The following TSHR variants were observed in gnomAD, a reference collection of about 807,000 sequenced individuals.
TSHR encodes thyrotropin receptor.
TSHR carries 51 observed loss-of-function variants against 64.1 expected under a neutral mutation model. The observed-to-expected ratio is 0.80, with a 90% CI of 0.64 to 1.01. TSHR has a LOEUF of 1.01. TSHR is among the 50% of genes least tolerant of loss of function. TSHR has a pLI of 0.00. For synonymous variants in TSHR, 361 were observed against 361.9 expected (o/e 1.00, Z 0.03); for missense variants, 877 against 942.8 (o/e 0.93, Z 0.91).
intron 8 of TSHR, among the ~76,000 whole-genome samples, chr14:81,121,911 C>T (rs1890809523): frequency 6.8e-6 from 1 of 148,132 alleles, no homozygotes; most frequent in Admixed American, 6.7e-5. Flanking sequence ...CCACTGCACT[C>T]CAGCCTGGGA....
At chr14:81,016,004 T>TA (rs1007140989) in intron 1 of TSHR, among the ~76,000 whole-genome samples, 10 of 152,176 alleles carry the variant, frequency 6.6e-5, no homozygotes, top group Admixed American at 3.9e-4. Flanking sequence ...ATGTGCCACT[T>TA]AAAAAAAATC....
At chr14:81,109,869 G>A (rs1294910075) in intron 8 of TSHR, among the ~76,000 whole-genome samples, 2 of 152,222 alleles carry the variant, frequency 1.3e-5, no homozygotes, top group East Asian at 1.9e-4. Flanking sequence ...AAGAAGACAA[G>A]TGGGGAAAAA....
At chr14:81,087,704 C>A in intron 3 of TSHR, 1 of 532,004 alleles carries the variant, frequency 1.9e-6, no homozygotes, top group South Asian at 2.1e-5. Context: ...ACAATGTAGC[C>A]CATAAATTAA....
chr14:81,127,702 C>T lies in TSHR; in HGVS notation c.693-11977C>T, dbSNP rs148586983. ...ATCTGATCGTTTTATAAGGGGTTCCCCCTTTCACTTGGCTCTCATTCCCTC... is the reference window on the plus strand; with the variant it reads ...ATCTGATCGTTTTATAAGGGGTTCCTCCTTTCACTTGGCTCTCATTCCCTC... On this transcript the variant is annotated intron_variant, in intron 8 of 9. Coordinates refer to ENST00000298171, the MANE Select transcript of TSHR (RefSeq NM_000369.5). Among the ~76,000 whole-genome samples, 98 of 152,166 alleles carry T rather than the reference C, an allele frequency of 6.4e-4. No individual in the cohort carries two copies. In the East Asian group the frequency reaches 0.019, roughly 29 times the overall value.
intron 1 of TSHR, among the ~76,000 whole-genome samples, chr14:81,035,440 A>G (rs566545881): frequency 2.6e-5 from 4 of 152,284 alleles, no homozygotes; most frequent in East Asian, 1.9e-4. Context: ...TATATTATTT[A>G]TGGAGCAACA....
intron 2 of TSHR, among the ~76,000 whole-genome samples, chr14:81,068,020 G>A (rs1417810657): frequency 2.0e-5 from 3 of 146,908 alleles, no homozygotes; most frequent in Non-Finnish European, 4.5e-5. Context: ...GGAAGTGACA[G>A]TTAAATGATA....
intron 8 of TSHR, chr14:81,108,739 A>G (rs1890082424): frequency 6.2e-7 from 1 of 1,611,856 alleles, no homozygotes; most frequent in African/African-American, 1.3e-5. Context: ...TTCATGGAGC[A>G]GCTGCTGTTT....
intron 1 of TSHR, chr14:81,033,020 C>G: frequency 5.6e-6 from 2 of 360,118 alleles, no homozygotes; most frequent in Non-Finnish European, 1.1e-5. Context: ...TTACTGGAGT[C>G]CTTTGGTGTT....
At chr14:81,132,191 C>A (rs1891276927) in intron 8 of TSHR, among the ~76,000 whole-genome samples, 1 of 152,194 alleles carries the variant, frequency 6.6e-6, no homozygotes, top group Non-Finnish European at 1.5e-5. Flanking sequence ...TGTAACTGCG[C>A]ATTTATAATG....
intron 1 of TSHR, among the ~76,000 whole-genome samples, chr14:81,030,332 C>G (rs550037013): frequency 6.6e-6 from 1 of 152,220 alleles, no homozygotes; most frequent in South Asian, 2.1e-4. Flanking sequence ...CACTTAATTT[C>G]AAGCAAAAAT....
chr14:80,985,054 T>G, intron 1 of TSHR, among the ~76,000 whole-genome samples: 1 of 152,038 alleles, frequency 6.6e-6, no homozygotes, highest in East Asian at 1.9e-4. Flanking sequence ...ATCGAGACCA[T>G]CCTGGCTAAC....
At chr14:81,109,818 A>C (rs8021279) in intron 8 of TSHR, among the ~76,000 whole-genome samples, 1 of 152,184 alleles carries the variant, frequency 6.6e-6, no homozygotes, top group African/African-American at 2.4e-5. Flanking sequence ...CTGTTAATTC[A>C]TGGCAAAGTA....
At chr14:81,130,533 T>G (rs1891194327) in intron 8 of TSHR, among the ~76,000 whole-genome samples, 1 of 152,202 alleles carries the variant, frequency 6.6e-6, no homozygotes, top group African/African-American at 2.4e-5. Context: ...CTTCCTGATC[T>G]CTTAATGTTG....
rs1339917116 is a variant in TSHR, at chr14:81,072,954, G to A, written c.317+4626G>A. 1.2e-4 allele frequency among the ~76,000 whole-genome samples: 12 copies of A among 103,364 alleles called. 1 individual carries two copies. Among genetic ancestry groups the A allele is most frequent in the African/African-American group, 3.0e-4 (6 of 19,878 alleles). 67.8% of individuals were successfully genotyped at this position (103,364 alleles called of 152,430 possible). On this transcript the variant is annotated intron_variant, in intron 3 of 9. Transcript: ENST00000298171. The stretch of plus-strand genomic sequence containing the variant: ...GGAGCTTGCAGTGAGCCGAGATCCC[G>A]CCACTGCACTCCAGCCTGGGCGACA...
At chr14:81,075,539 C>G (rs1451638250) in intron 3 of TSHR, among the ~76,000 whole-genome samples, 1 of 151,754 alleles carries the variant, frequency 6.6e-6, no homozygotes, top group East Asian at 1.9e-4. Flanking sequence ...TACATGTGCA[C>G]ATTGTGCAGG....
At chr14:81,108,572 G>A (rs2140032135) in intron 8 of TSHR, 120 bp downstream of exon 8, 1 of 1,612,408 alleles carries the variant, frequency 6.2e-7, no homozygotes. Flanking sequence ...GCTGTCTCGG[G>A]TAAAGGCTTC....
At chr14:81,079,834 A>G (rs941634630) in intron 3 of TSHR, among the ~76,000 whole-genome samples, 5 of 151,402 alleles carry the variant, frequency 3.3e-5, no homozygotes, top group Non-Finnish European at 5.9e-5. Flanking sequence ...CAGCCTGGGC[A>G]ACAGAATGAG....
intron 1 of TSHR, among the ~76,000 whole-genome samples, chr14:80,986,766 C>T (rs984889799): frequency 2.0e-5 from 3 of 152,238 alleles, no homozygotes; most frequent in African/African-American, 4.8e-5. Context: ...GGATTACAGG[C>T]GTGAGCCACT....
intron 1 of TSHR, chr14:81,032,464 C>A: frequency 3.2e-6 from 1 of 311,200 alleles, no homozygotes. Context: ...AAGAATTTCC[C>A]TTGTAAAAGC....
Sources: allele counts gnomAD v4.1 joint callset (sites outside exome capture counted in the v4.1 genomes callset), GRCh38; gene constraint gnomAD v4.1.1; transcripts MANE v1.5; gene names NCBI Gene and HGNC (gene_info 2026-07-23, HGNC 2026-07-21).